The following USP6 variants were observed in gnomAD, a reference collection of about 807,000 sequenced individuals.
USP6 encodes the protein ubiquitin carboxyl-terminal hydrolase 6.
USP6 carries 128 observed loss-of-function variants against 175.7 expected under a neutral mutation model. That is an observed-to-expected ratio of 0.73 (90% confidence interval 0.63 to 0.84). USP6 has a LOEUF of 0.84. USP6 is among the 40% of genes least tolerant of loss of function. The pLI is 0.00. For missense variants in USP6, 1,498 were observed against 1,760.3 expected, an observed-to-expected ratio of 0.85 and a Z score of 2.67; for synonymous variants, 562 against 630.6, an observed-to-expected ratio of 0.89 and a Z score of 1.63.
At chr17:5,122,836 GAGGTCTGTGGCCCCGCGGC>G (rs1371021745) in intron 4 of USP6, 8 of 152,346 alleles carry the variant, frequency 5.3e-5, no homozygotes, top group African/African-American at 1.7e-4. Context: ...TGAGCTCTTA[GAGGTCTGTGGCCCCGCGGC>G]GGGGGGTTAT....
At chr17:5,138,953 T>TG (rs1156321751) in intron 21 of USP6, 8 of 1,410,788 alleles carry the variant, frequency 5.7e-6, no homozygotes, top group East Asian at 2.9e-5. Context: ...TGAGTTCTGA[T>TG]GGGGGGCCAT....
In USP6 at chr17:5,151,061, C is replaced by T. The variant is rs1259801102; in HGVS notation, c.2643+2294C>T. Reference sequence around the variant, plus strand: ...ATAATCCAGGATGATCTTATCTTGACATCCTCAACTTAATTATATCTACAA... The same window carrying T: ...ATAATCCAGGATGATCTTATCTTGATATCCTCAACTTAATTATATCTACAA... On this transcript the variant is annotated intron_variant, in intron 30 of 37. Coordinates refer to ENST00000574788, the MANE Select transcript of USP6 (RefSeq NM_001304284.2). Among the ~76,000 whole-genome samples the T allele has an allele frequency of 2.0e-5, 3 of 152,080 alleles. No homozygotes were observed. The East Asian group carries it at 5.8e-4, about 29-fold the overall frequency.
At chr17:5,147,512 T>C (rs1026237880) in intron 29 of USP6, among the ~76,000 whole-genome samples, 1 of 152,168 alleles carries the variant, frequency 6.6e-6, no homozygotes, top group African/African-American at 2.4e-5. Flanking sequence ...ACAATAGATA[T>C]AGCTAGAAAG....
At chr17:5,161,279 A>G (rs1182523886) in intron 31 of USP6, among the ~76,000 whole-genome samples, 1 of 152,256 alleles carries the variant, frequency 6.6e-6, no homozygotes, top group African/African-American at 2.4e-5. Flanking sequence ...CGTGGGCCAC[A>G]TGGACTCCCT....
chr17:5,118,009 A>C (rs1039320811), intron 1 of USP6, among the ~76,000 whole-genome samples, 191 bp from the exon 2 acceptor site: 2 of 151,350 alleles, frequency 1.3e-5, no homozygotes, highest in African/African-American at 2.4e-5. Flanking sequence ...GCGGAGATTG[A>C]AGTGGGCCGA....
At chr17:5,155,090 C>G (rs2073852968) in intron 30 of USP6, among the ~76,000 whole-genome samples, 1 of 152,158 alleles carries the variant, frequency 6.6e-6, no homozygotes, top group Non-Finnish European at 1.5e-5. Flanking sequence ...AAGCCTTTAG[C>G]TATGAAGCTA....
In USP6 at chr17:5,132,101, A is replaced by C; in HGVS notation, c.156-295A>C. The stretch of plus-strand genomic sequence containing the variant: ...GGCTAACCTTTCTCAGCTCCAGCAG[A>C]AAGCACCACCTCAAGTCCAGGATGG... On this transcript the variant is annotated intron_variant, in intron 11 of 37. Transcript: ENST00000574788. The surrounding 1 kb of genome is among the most constrained non-coding windows in gnomAD (Gnocchi z 4.7). 1 of 1,111,294 alleles carries C rather than the reference A, an allele frequency of 9.0e-7. No homozygotes were observed. 68.8% of individuals were successfully genotyped at this position (1,111,294 alleles called of 1,614,324 possible).
intron 30 of USP6, among the ~76,000 whole-genome samples, chr17:5,151,030 A>G (rs1183292747): frequency 2.0e-5 from 3 of 152,122 alleles, no homozygotes; most frequent in Admixed American, 2.0e-4. Context: ...TTTAGGGCCC[A>G]CCCAGATAAT....
intron 29 of USP6, among the ~76,000 whole-genome samples, chr17:5,147,429 T>G (rs1228603770): frequency 2.0e-5 from 3 of 152,156 alleles, no homozygotes; most frequent in African/African-American, 7.2e-5. Flanking sequence ...GGAATTCAGA[T>G]CTCTTTGAAC....
Position 5,155,515 on chromosome 17 carries a change from A to T in USP6, c.2737A>T (p.Lys913Ter), listed in dbSNP as rs1490234581. ...TGTTCCATGCACTGTGCATACCCGGAAGAAAGACCTATATGATGCGGTTTG... is the reference window on the plus strand; with the variant it reads ...TGTTCCATGCACTGTGCATACCCGGTAGAAAGACCTATATGATGCGGTTTG... Reference protein sequence around the residue: ...LIVPCTVHTRKKDLYDAVWIQ... With the variant: ...LIVPCTVHTR The change falls in exon 31 of 38, where the codon AAG becomes TAG. Residue 913 changes from lysine to a stop codon, truncating the protein, a stop_gained. Transcript: ENST00000574788. LOFTEE classifies it high-confidence loss of function. 1 of 1,614,126 alleles carries T rather than the reference A, an allele frequency of 6.2e-7. No individual in the cohort carries two copies. The highest frequency in any genetic ancestry group is 1.7e-5 in the Admixed American group (1 of 60,002).
chr17:5,163,583 C>T (rs2074046832), intron 33 of USP6, among the ~76,000 whole-genome samples: 1 of 152,240 alleles, frequency 6.6e-6, no homozygotes, highest in South Asian at 2.1e-4. Context: ...AATCAAATTT[C>T]AACATGCATT....
In USP6 at chr17:5,132,408, G is replaced by A. The variant is rs1597994637; in HGVS notation, c.168G>A (p.Leu56=). ...GGTTGCCTTACAGTGAGACGGAGCT[G>A]CCTCCTGTGACTGCACGGGAGGCGA... is the stretch of plus-strand genomic sequence containing the variant. ...DRFGILHETE[L]PPVTAREAKK... is the part of the protein sequence containing the mutation. Residue 56 remains leucine, a synonymous_variant, in exon 12 of 38, where the codon CTG becomes CTA. Coordinates refer to ENST00000574788, the MANE Select transcript of USP6 (RefSeq NM_001304284.2). This position sits in a 1 kb window ranked among gnomAD's most constrained non-coding sequence, Gnocchi z 4.7. 1.9e-6 allele frequency: 3 copies of A among 1,612,192 alleles called. No homozygotes were observed. The highest frequency in any genetic ancestry group is 2.5e-6 in the Non-Finnish European group (3 of 1,179,846).
At chr17:5,121,297 G>C (rs2072657553) in intron 3 of USP6, 78 bp from the exon 4 acceptor site, 1 of 354,950 alleles carries the variant, frequency 2.8e-6, no homozygotes, top group East Asian at 7.4e-5. Flanking sequence ...GAGGGGCTAG[G>C]ATATGGTTCT....
At chr17:5,121,154 T>G (rs1259760031) in intron 3 of USP6, among the ~76,000 whole-genome samples, 2 of 152,164 alleles carry the variant, frequency 1.3e-5, no homozygotes, top group Non-Finnish European at 2.9e-5. Flanking sequence ...CCAGTGCCTG[T>G]CTTTGAGGTG....
intron 34 of USP6, 101 bp from the exon 35 acceptor site, chr17:5,168,666 T>C (rs535091149): frequency 8.4e-6 from 12 of 1,423,920 alleles, no homozygotes; most frequent in Middle Eastern, 1.9e-4. Flanking sequence ...TGTTCTGTTA[T>C]ATATTTCCAA....
Position 5,132,211 on chromosome 17 carries a change from A to G in USP6, c.156-185A>G. 1 of 1,556,116 alleles carries G rather than the reference A, an allele frequency of 6.4e-7. No individual in the cohort carries two copies. Among genetic ancestry groups the G allele is most frequent in the Non-Finnish European group, 8.7e-7 (1 of 1,149,458 alleles). On this transcript the variant is annotated intron_variant, in intron 11 of 37. Coordinates refer to ENST00000574788, the MANE Select transcript of USP6 (RefSeq NM_001304284.2). This position sits in a 1 kb window ranked among gnomAD's most constrained non-coding sequence, Gnocchi z 4.7. Reference sequence around the variant, plus strand: ...CTGTCCCTGCACTCCTTCTTCTCCCAGGTCCTGCCCCTCCTGGGAGTCAGA... The same window carrying G: ...CTGTCCCTGCACTCCTTCTTCTCCCGGGTCCTGCCCCTCCTGGGAGTCAGA...
rs764447545 is a variant in USP6, at chr17:5,170,925, T to G, written c.3954+10T>G. On this transcript the variant is annotated intron_variant, in intron 36 of 37. Transcript: ENST00000574788. Reference sequence around the variant, plus strand: ...TCTATATGCAATTTCAGTAAGTGGTTTATTATACGGTTTTCAGAGAGTGGT... The same window carrying G: ...TCTATATGCAATTTCAGTAAGTGGTGTATTATACGGTTTTCAGAGAGTGGT... 1.9e-6 allele frequency: 3 copies of G among 1,609,404 alleles called. No individual in the cohort carries two copies. In the Admixed American group the frequency reaches 5.0e-5, roughly 27 times the overall value.
chr17:5,137,664 T>C lies in USP6; in HGVS notation c.839T>C (p.Leu280Pro). Residue 280 changes from leucine to proline, a missense_variant, in exon 20 of 38, where the codon CTC becomes CCC. This residue lies in a region of USP6 where 1,217 missense variants were observed against 1,500.8 expected (regional missense o/e 0.81). Transcript: ENST00000574788. ...CTGTCCCCACAGATCTCTCTCGGGC[T>C]CACCCTGCGCCTGTGGGACGTGTAT... ...RNLIDGISLGLTLRLWDVYLV... is the reference protein window; with the variant it reads ...RNLIDGISLGPTLRLWDVYLV... The C allele has an allele frequency of 1.2e-6, 2 of 1,605,920 alleles. No homozygotes were observed. Among genetic ancestry groups the C allele is most frequent in the African/African-American group, 1.3e-5 (1 of 74,856 alleles).
intron 4 of USP6, among the ~76,000 whole-genome samples, chr17:5,124,237 C>T (rs1464213531): frequency 1.3e-5 from 2 of 152,164 alleles, no homozygotes; most frequent in Non-Finnish European, 2.9e-5. Flanking sequence ...CCCACTGGGA[C>T]AGGGTGGCTG....
Sources: gnomAD v4.1 joint callset for allele counts (sites outside exome capture counted in the v4.1 genomes callset) on GRCh38, gnomAD v4.1.1 for gene constraint, gnomAD v4.1.1 regional missense constraint, Gnocchi (gnomAD v3.1) non-coding constraint, MANE v1.5 for transcripts, NCBI Gene and HGNC (gene_info 2026-07-23, HGNC 2026-07-21) for gene names.